OR56A3: variants seen among roughly 807,000 people sequenced by gnomAD.
The protein encoded by OR56A3 is olfactory receptor family 56 subfamily A member 3.
A neutral mutation model predicts 17.5 loss-of-function variants in OR56A3; 23 were observed. The ratio of observed to expected loss-of-function variants is 1.32; its 90% CI spans 0.95 to 1.87. The LOEUF is 1.87. Ranked by LOEUF, OR56A3 falls within the 40% of genes most tolerant of loss-of-function variation. The pLI is 0.00. For missense variants in OR56A3, 366 were observed against 380.1 expected, an observed-to-expected ratio of 0.96 and a Z score of 0.31; for synonymous variants, 175 against 150.6, an observed-to-expected ratio of 1.16 and a Z score of -1.19.
chr11:6,003,082 T>C, the OR56A3 span: 1 of 1,609,408 alleles, frequency 6.2e-7, no homozygotes, highest in Non-Finnish European at 8.5e-7. Context: ...CTAGACGTAG[T>C]AGAGTGTGGG....
chr11:5,979,628 G>T, the OR56A3 span, among the ~76,000 whole-genome samples: 1 of 151,770 alleles, frequency 6.6e-6, no homozygotes, highest in Non-Finnish European at 1.5e-5. Context: ...TAGCCTAGCT[G>T]ATAATTTTTC....
the OR56A3 span, chr11:5,999,659 G>T: frequency 6.6e-6 from 1 of 152,120 alleles, no homozygotes; most frequent in Non-Finnish European, 1.5e-5. Context: ...AGATTTTATT[G>T]TTGTTTCCAA....
Position 5,948,276 on chromosome 11 carries a change from G to A in OR56A3, c.930G>A (p.Leu310=). The change falls in exon 3 of 3, where the codon TTG becomes TTA. Residue 310 remains leucine (L), a synonymous_variant. Transcript: ENST00000641160. ...AAATTAAGCAGGGAATGCAGAGGTT[G>A]TTGAAGAAAGGGTGCTAACAAGGAC... ...TQEIKQGMQR[L]LKKGC The A allele has an allele frequency of 5.0e-6, 8 of 1,613,252 alleles. No homozygotes were observed. Among genetic ancestry groups the A allele is most frequent in the Non-Finnish European group, 6.8e-6 (8 of 1,179,220 alleles).
the OR56A3 span, among the ~76,000 whole-genome samples, chr11:5,983,104 C>T: frequency 6.6e-6 from 1 of 152,148 alleles, no homozygotes; most frequent in African/African-American, 2.4e-5. Context: ...ATTCTGCTCT[C>T]ATCACTATGA....
At chr11:6,000,379 C>A in the OR56A3 span, 1 of 152,092 alleles carries the variant, frequency 6.6e-6, no homozygotes, top group Non-Finnish European at 1.5e-5. Context: ...AACCAAACAC[C>A]GCATTTTCTC....
At chr11:6,020,024 C>T in the OR56A3 span, 3 of 152,066 alleles carry the variant, frequency 2.0e-5, no homozygotes, top group Admixed American at 6.6e-5. Context: ...AATGTAAGAG[C>T]TCTAGTGACT....
At chr11:5,956,558 T>C in the OR56A3 span, among the ~76,000 whole-genome samples, 1 of 152,352 alleles carries the variant, frequency 6.6e-6, no homozygotes, top group African/African-American at 2.4e-5. Context: ...AGCCTTTAAA[T>C]AGGTGTTTCA....
the OR56A3 span, among the ~76,000 whole-genome samples, chr11:5,961,107 C>T: frequency 3.0e-3 from 456 of 151,526 alleles, 1 homozygote; most frequent in Non-Finnish European, 5.0e-3. Flanking sequence ...AGCCCGCGCC[C>T]GGCCAGCCGC....
the OR56A3 span, chr11:5,986,842 AAAG>A: frequency 6.2e-7 from 1 of 1,614,048 alleles, no homozygotes; most frequent in Non-Finnish European, 8.5e-7. Context: ...TACCAGGAGA[AAAG>A]AAGGCTGGGA....
chr11:5,953,439 T>G (rs567653383), downstream of OR56A3, among the ~76,000 whole-genome samples: 1 of 152,330 alleles, frequency 6.6e-6, no homozygotes, highest in Admixed American at 6.5e-5. Flanking sequence ...GCTGGACATT[T>G]GTATGTCTTC....
chr11:6,013,988 C>T, the OR56A3 span, among the ~76,000 whole-genome samples: 3 of 152,176 alleles, frequency 2.0e-5, no homozygotes, highest in Non-Finnish European at 4.4e-5. Flanking sequence ...ACACCTGGCC[C>T]ACCACTGCCA....
chr11:5,992,122 TCTC>T, the OR56A3 span, among the ~76,000 whole-genome samples: 1 of 152,204 alleles, frequency 6.6e-6, no homozygotes. Flanking sequence ...AGCTCAGACT[TCTC>T]ATTCTCACGG....
chr11:6,007,861 G>A, the OR56A3 span, among the ~76,000 whole-genome samples: 1 of 152,190 alleles, frequency 6.6e-6, no homozygotes, highest in South Asian at 2.1e-4. Context: ...CTCATGCAGT[G>A]GGAGTATCAG....
the OR56A3 span, among the ~76,000 whole-genome samples, chr11:5,962,790 G>A: frequency 4.6e-5 from 7 of 151,894 alleles, no homozygotes; most frequent in South Asian, 4.2e-4. Flanking sequence ...CACCCGCCTC[G>A]GCCTCCCAAA....
chr11:6,004,512 G>A, the OR56A3 span, among the ~76,000 whole-genome samples: 2 of 152,200 alleles, frequency 1.3e-5, no homozygotes. Flanking sequence ...AGAAGATAAT[G>A]TAAGTATTTA....
At chr11:5,956,878 C>T in the OR56A3 span, among the ~76,000 whole-genome samples, 1 of 152,148 alleles carries the variant, frequency 6.6e-6, no homozygotes, top group Non-Finnish European at 1.5e-5. Flanking sequence ...AAAGAGAGGC[C>T]TGGCGCGGTG....
the OR56A3 span, among the ~76,000 whole-genome samples, chr11:6,007,221 G>T: frequency 6.6e-6 from 1 of 152,182 alleles, no homozygotes; most frequent in Non-Finnish European, 1.5e-5. Flanking sequence ...GAAAAATATT[G>T]CATAATTTCA....
At chr11:5,990,694 C>T in the OR56A3 span, among the ~76,000 whole-genome samples, 1 of 152,008 alleles carries the variant, frequency 6.6e-6, no homozygotes, top group African/African-American at 2.4e-5. Context: ...TGACAATGAC[C>T]TAATAAAAGA....
At chr11:5,972,929 A>G in the OR56A3 span, among the ~76,000 whole-genome samples, 1 of 152,184 alleles carries the variant, frequency 6.6e-6, no homozygotes, top group South Asian at 2.1e-4. Flanking sequence ...AGAGAATTCA[A>G]TTCTGCATCT....
Sources: allele counts gnomAD v4.1 joint callset (sites outside exome capture counted in the v4.1 genomes callset), GRCh38; gene constraint gnomAD v4.1.1; transcripts MANE v1.5; gene names NCBI Gene and HGNC (gene_info 2026-07-23, HGNC 2026-07-21).